CTIF: variants seen among roughly 807,000 people sequenced by gnomAD.
CTIF encodes the protein cap binding complex dependent translation initiation factor, also known as CBP80/20-dependent translation initiation factor.
A neutral mutation model predicts 66.0 loss-of-function variants in CTIF; 21 were observed. That is an observed-to-expected ratio of 0.32 (90% CI 0.23 to 0.46). The LOEUF (loss-of-function observed/expected upper bound fraction) is 0.46. Ranked by LOEUF, CTIF falls within the 20% of genes least tolerant of loss-of-function variation. The pLI is 1.00. For missense variants in CTIF, 739 were observed against 812.7 expected (o/e 0.91, Z 1.10); for synonymous variants, 345 against 326.4 (o/e 1.06, Z -0.62).
chr18:48,595,554 A>G (rs2089973724), intron 1 of CTIF, among the ~76,000 whole-genome samples: 1 of 151,828 alleles, frequency 6.6e-6, no homozygotes, highest in Non-Finnish European at 1.5e-5. Flanking sequence ...AGCCTCCCAA[A>G]TGGCTGGGAC....
chr18:48,730,247 GGTGTGAGGGGCCCCCGCA>G (rs538515570), intron 7 of CTIF, among the ~76,000 whole-genome samples: 421 of 147,082 alleles, frequency 2.9e-3, no homozygotes, highest in Admixed American at 3.6e-3. Flanking sequence ...GGGCCTCCGC[GGTGTGAGGGGCCCCCGCA>G]GTGTGAGGGC....
chr18:48,681,617 A>C (rs529378394), intron 6 of CTIF, among the ~76,000 whole-genome samples: 1 of 152,264 alleles, frequency 6.6e-6, no homozygotes, highest in Admixed American at 6.5e-5. Context: ...CCTTTAGCCC[A>C]GGGCCTGCTG....
At chr18:48,686,824 C>T (rs930867931) in intron 6 of CTIF, among the ~76,000 whole-genome samples, 1 of 152,228 alleles carries the variant, frequency 6.6e-6, no homozygotes, top group Non-Finnish European at 1.5e-5. Context: ...ATGCATTTCT[C>T]ATCAGTATTC....
chr18:48,808,243 A>G (rs1174416332), intron 9 of CTIF, among the ~76,000 whole-genome samples: 1 of 152,206 alleles, frequency 6.6e-6, no homozygotes, highest in Non-Finnish European at 1.5e-5. Context: ...GTTTTCATAT[A>G]TGTATTAGTA....
Position 48,859,607 on chromosome 18 carries a change from G to C in CTIF, c.*48G>C, listed in dbSNP as rs201793196. On this transcript the variant is annotated 3_prime_UTR_variant, in exon 12 of 12. Transcript: ENST00000256413. The stretch of plus-strand genomic sequence containing the variant: ...GCCCACGGGCAGCTGGGGCCCTGGT[G>C]CACAGGGCCAGATGGACAGGCGGGA... 1 of 1,545,590 alleles carries C rather than the reference G, an allele frequency of 6.5e-7. No homozygotes were observed. Among genetic ancestry groups the C allele is most frequent in the African/African-American group, 1.4e-5 (1 of 73,644 alleles).
chr18:48,757,646 A>G (rs1908519043), intron 7 of CTIF, among the ~76,000 whole-genome samples: 1 of 152,210 alleles, frequency 6.6e-6, no homozygotes, highest in Non-Finnish European at 1.5e-5. Context: ...ACATGCTTGC[A>G]TTCACACATA....
At chr18:48,568,783 G>C (rs1320717749) in intron 1 of CTIF, among the ~76,000 whole-genome samples, 2 of 152,038 alleles carry the variant, frequency 1.3e-5, no homozygotes, top group East Asian at 3.9e-4. Context: ...AGTGTGTGCA[G>C]AGGAACTGCC....
chr18:48,712,289 A>G (rs898358591), intron 7 of CTIF, among the ~76,000 whole-genome samples: 1 of 152,162 alleles, frequency 6.6e-6, no homozygotes, highest in Non-Finnish European at 1.5e-5. Context: ...CCCGAGTGAC[A>G]ATGGGGCCAG....
At chr18:48,852,262 A>AAAAAAT (rs2069221980) in intron 10 of CTIF, among the ~76,000 whole-genome samples, 1 of 140,362 alleles carries the variant, frequency 7.1e-6, no homozygotes, top group Admixed American at 7.1e-5. Context: ...AAAAAAAAAA[A>AAAAAAT]GTTCCAGCAA....
At chr18:48,668,124 AGGCCTC>A (rs1172826301) in intron 5 of CTIF, among the ~76,000 whole-genome samples, 1 of 152,234 alleles carries the variant, frequency 6.6e-6, no homozygotes, top group African/African-American at 2.4e-5. Context: ...TGACGAGGGC[AGGCCTC>A]GTGGGACAGC....
intron 9 of CTIF, among the ~76,000 whole-genome samples, chr18:48,785,265 G>C (rs1461244294): frequency 6.6e-6 from 1 of 152,132 alleles, no homozygotes; most frequent in Non-Finnish European, 1.5e-5. Flanking sequence ...CTGACTCTTA[G>C]AGGCTCCAAA....
chr18:48,758,527 G>A, intron 8 of CTIF, 122 bp downstream of exon 8: 1 of 1,243,650 alleles, frequency 8.0e-7, no homozygotes, highest in Non-Finnish European at 1.1e-6. Context: ...GCCATGTACA[G>A]GGAAGCAGGG....
intron 7 of CTIF, among the ~76,000 whole-genome samples, chr18:48,732,339 T>C (rs903226675): frequency 1.3e-5 from 2 of 152,060 alleles, no homozygotes; most frequent in Non-Finnish European, 2.9e-5. Context: ...AATAGAAGCC[T>C]GTTTCCCCTG....
intron 6 of CTIF, among the ~76,000 whole-genome samples, chr18:48,679,192 A>G (rs2091697497): frequency 6.6e-6 from 1 of 152,220 alleles, no homozygotes; most frequent in South Asian, 2.1e-4. Flanking sequence ...CACACAGAAC[A>G]TTGTGTAATT....
intron 10 of CTIF, among the ~76,000 whole-genome samples, chr18:48,831,818 C>T (rs976872331): frequency 7.9e-5 from 12 of 152,280 alleles, no homozygotes; most frequent in East Asian, 1.9e-4. Flanking sequence ...ATATTTTTTA[C>T]GTTCTTCTCT....
rs934721795 is a variant in CTIF, at chr18:48,613,823, G to A, written c.-28-5715G>A. Among the ~76,000 whole-genome samples the A allele has an allele frequency of 2.0e-5, 3 of 152,286 alleles. No individual in the cohort carries two copies. In the South Asian group the frequency reaches 6.2e-4, roughly 32 times the overall value. The stretch of plus-strand genomic sequence containing the variant: ...TGGGGCAGGTCCTGCTGCAGCCCGG[G>A]CCCTCTGTGTCCTCCAGAAAGCCGT... On this transcript the variant is annotated intron_variant, in intron 1 of 11. Transcript: ENST00000256413.
At position 48,761,760 on chromosome 18, in the gene CTIF, G is replaced by A; in HGVS notation, c.1371+71G>A. ...GCGTTCGGTGAGTTATTCCTAGCGA[G>A]AAGGCTGCGAGTTCTGGCCACAGTT... is the stretch of plus-strand genomic sequence containing the variant. On this transcript the variant is annotated intron_variant, in intron 9 of 11. Coordinates refer to ENST00000256413, the MANE Select transcript of CTIF (RefSeq NM_014772.3). This position sits in a 1 kb window ranked among gnomAD's most constrained non-coding sequence, Gnocchi z 4.2. The A allele has an allele frequency of 6.9e-7, 1 of 1,445,900 alleles. No homozygotes were observed. The highest frequency in any genetic ancestry group is 1.3e-5 in the South Asian group (1 of 77,562). The allele number at this position is 1,445,900 out of a possible 1,614,324, so 89.6% of individuals were successfully genotyped here. A position where few individuals can be genotyped will look rare whatever the true frequency, so the allele number is the denominator to read the frequency against.
At chr18:48,717,046 G>C (rs964347171) in intron 7 of CTIF, among the ~76,000 whole-genome samples, 1 of 152,178 alleles carries the variant, frequency 6.6e-6, no homozygotes, top group South Asian at 2.1e-4. Flanking sequence ...AGCGCTTGCT[G>C]CCTCTGTCCT....
At position 48,751,638 on chromosome 18, in the gene CTIF, T is replaced by TA. The variant is rs1208577048; in HGVS notation, c.585-6279dup. On this transcript the variant is annotated intron_variant, in intron 7 of 11. Coordinates refer to ENST00000256413, the MANE Select transcript of CTIF (RefSeq NM_014772.3). Reference sequence around the variant, plus strand: ...GTGTGATGTAGGGCATTCCAGACTGTAATCATATCAGGAGTCTGGAGGGCT... The same window carrying TA: ...GTGTGATGTAGGGCATTCCAGACTGTAAATCATATCAGGAGTCTGGAGGGCT... 5.9e-5 allele frequency among the ~76,000 whole-genome samples: 9 copies of TA among 152,336 alleles called. No individual in the cohort carries two copies. In the East Asian group the frequency reaches 1.7e-3, roughly 29 times the overall value.
Sources: allele counts gnomAD v4.1 joint callset (sites outside exome capture counted in the v4.1 genomes callset), GRCh38; gene constraint gnomAD v4.1.1; non-coding constraint Gnocchi (gnomAD v3.1); transcripts MANE v1.5; gene names NCBI Gene and HGNC (gene_info 2026-07-23, HGNC 2026-07-21).